Variants in PPP1R1C observed in about 807,000 individuals in gnomAD.
PPP1R1C encodes protein phosphatase 1 regulatory inhibitor subunit 1C, also known as protein phosphatase 1 regulatory subunit 1C.
In PPP1R1C, 15 loss-of-function variants were observed where a neutral mutation model predicts 17.4. The ratio of observed to expected loss-of-function variants is 0.86; its 90% CI spans 0.58 to 1.33. The LOEUF is 1.33. Among genes scored for constraint, PPP1R1C ranks in the 40% most tolerant of loss-of-function variants. The pLI, the probability that PPP1R1C is intolerant of heterozygous loss-of-function variation, is 0.00. For missense variants in PPP1R1C, 143 were observed against 130.0 expected (o/e 1.10, Z -0.48); for synonymous variants, 35 against 43.1 (o/e 0.81, Z 0.73).
chr2:181,994,788 C>T (rs1685568064), intron 2 of PPP1R1C, among the ~76,000 whole-genome samples: 1 of 152,142 alleles, frequency 6.6e-6, no homozygotes, highest in Non-Finnish European at 1.5e-5. Flanking sequence ...TAACAGAAAT[C>T]CGTGTTGCTG....
chr2:182,103,460 T>G (rs979572233), intron 4 of PPP1R1C: 113 of 152,296 alleles, frequency 7.4e-4, no homozygotes, highest in African/African-American at 2.3e-3. Flanking sequence ...TGTTAAAATC[T>G]ATGTAAAAAG....
At chr2:182,055,733 AT>A (rs1374573008) in intron 2 of PPP1R1C, among the ~76,000 whole-genome samples, 5 of 152,186 alleles carry the variant, frequency 3.3e-5, no homozygotes, top group African/African-American at 1.2e-4. Flanking sequence ...ATGAGAAATT[AT>A]GCTTTCTTCT....
At chr2:182,095,310 T>C (rs201265031) in intron 4 of PPP1R1C, among the ~76,000 whole-genome samples, 1 of 147,778 alleles carries the variant, frequency 6.8e-6, no homozygotes, top group East Asian at 2.0e-4. Flanking sequence ...AATAAAAAAA[T>C]TAAAAAAAAA....
At chr2:182,035,719 C>A (rs1382594326) in intron 2 of PPP1R1C, among the ~76,000 whole-genome samples, 12 of 152,112 alleles carry the variant, frequency 7.9e-5, no homozygotes. Flanking sequence ...TTGCCTTCTG[C>A]CGTGATTGTA....
At chr2:181,956,465 C>T (rs767713673) in intron 1 of PPP1R1C, among the ~76,000 whole-genome samples, 2 of 152,186 alleles carry the variant, frequency 1.3e-5, no homozygotes, top group Admixed American at 6.5e-5. Context: ...CTTGAGGAAT[C>T]GCCACACTGT....
chr2:182,107,775 T>C (rs989517404), intron 4 of PPP1R1C, among the ~76,000 whole-genome samples: 8 of 152,146 alleles, frequency 5.3e-5, no homozygotes, highest in Admixed American at 3.3e-4. Flanking sequence ...TCTTATCTAA[T>C]GAGCTTGCTT....
chr2:182,018,406 A>G (rs1266244440), intron 2 of PPP1R1C, among the ~76,000 whole-genome samples: 2 of 152,224 alleles, frequency 1.3e-5, no homozygotes, highest in Non-Finnish European at 2.9e-5. Context: ...AGTGTTTGGA[A>G]GAGTGAGAAC....
intron 2 of PPP1R1C, among the ~76,000 whole-genome samples, chr2:182,002,105 C>T (rs16867524): frequency 1.3e-5 from 2 of 151,944 alleles, no homozygotes; most frequent in South Asian, 4.1e-4. Context: ...TAGCAGGCAC[C>T]AGCACCCTTT....
At chr2:181,980,902 G>A (rs1453896339), upstream of PPP1R1C, among the ~76,000 whole-genome samples, 1 of 151,508 alleles carries the variant, frequency 6.6e-6, no homozygotes, top group Non-Finnish European at 1.5e-5. Context: ...ATGAGAACAT[G>A]CAATCACAAA....
chr2:181,963,781 C>G (rs919467006), intron 1 of PPP1R1C, among the ~76,000 whole-genome samples: 1 of 150,138 alleles, frequency 6.7e-6, no homozygotes, highest in Non-Finnish European at 1.5e-5. Flanking sequence ...ACCTAGAGTT[C>G]TTTTTTGCTT....
chr2:182,058,190 C>G (rs1275861516), intron 2 of PPP1R1C, among the ~76,000 whole-genome samples: 1 of 152,002 alleles, frequency 6.6e-6, no homozygotes, highest in Admixed American at 6.6e-5. Context: ...TGTCATGTCT[C>G]CTTAGGCTCC....
downstream of PPP1R1C, among the ~76,000 whole-genome samples, chr2:182,122,100 G>A (rs114718461): frequency 4.4e-3 from 666 of 152,146 alleles, 4 homozygotes; most frequent in African/African-American, 0.015. Flanking sequence ...CCTCTTATAC[G>A]TGAGGAACAG....
intron 2 of PPP1R1C, among the ~76,000 whole-genome samples, chr2:181,997,946 T>C (rs190912908): frequency 6.6e-6 from 1 of 152,352 alleles, no homozygotes; most frequent in Non-Finnish European, 1.5e-5. Context: ...AATATAGCAA[T>C]GTTTTTTCTG....
At chr2:181,983,745 G>A (rs375563009), upstream of PPP1R1C, among the ~76,000 whole-genome samples, 3 of 152,174 alleles carry the variant, frequency 2.0e-5, no homozygotes, top group South Asian at 6.2e-4. Flanking sequence ...CAAAAGACAT[G>A]TAGGTAGTTA....
At chr2:182,100,402 C>T (rs1377895050) in intron 4 of PPP1R1C, among the ~76,000 whole-genome samples, 4 of 150,614 alleles carry the variant, frequency 2.7e-5, no homozygotes, top group Non-Finnish European at 5.9e-5. Context: ...CCCAGCTACT[C>T]GGGAGGCTGA....
intron 4 of PPP1R1C, among the ~76,000 whole-genome samples, chr2:182,106,637 A>G (rs1480928741): frequency 6.6e-6 from 1 of 152,184 alleles, no homozygotes; most frequent in East Asian, 1.9e-4. Flanking sequence ...CTTTTTTGGT[A>G]CACTTGGGCA....
chr2:181,999,359 T>A (rs985007259), intron 2 of PPP1R1C, among the ~76,000 whole-genome samples: 6 of 152,200 alleles, frequency 3.9e-5, no homozygotes, highest in Non-Finnish European at 8.8e-5. Context: ...ACAAACTCTA[T>A]CAAATGAATA....
intron 2 of PPP1R1C, among the ~76,000 whole-genome samples, chr2:181,993,556 A>C (rs1685528290): frequency 6.6e-6 from 1 of 152,198 alleles, no homozygotes; most frequent in Non-Finnish European, 1.5e-5. Flanking sequence ...GTCTGTATTA[A>C]TGACAATACA....
At chr2:181,966,601 G>A (rs1057081746) in intron 1 of PPP1R1C, among the ~76,000 whole-genome samples, 4 of 151,960 alleles carry the variant, frequency 2.6e-5, no homozygotes, top group African/African-American at 4.8e-5. Context: ...CTAATATGAT[G>A]TATCACATTC....
Sources: allele counts gnomAD v4.1 joint callset (sites outside exome capture counted in the v4.1 genomes callset), GRCh38; gene constraint gnomAD v4.1.1; transcripts MANE v1.5; gene names NCBI Gene and HGNC (gene_info 2026-07-23, HGNC 2026-07-21).